The following HEXA variants were observed in gnomAD, a reference collection of about 807,000 sequenced individuals.
HEXA encodes hexosaminidase subunit alpha, also known as beta-hexosaminidase subunit alpha.
A neutral mutation model predicts 73.3 loss-of-function variants in HEXA; 54 were observed. The observed-to-expected ratio is 0.74, with a 90% CI of 0.59 to 0.92. The LOEUF is 0.92. Ranked by LOEUF, HEXA falls within the 40% of genes least tolerant of loss-of-function variation. The pLI is 0.00. For missense variants in HEXA, 649 were observed against 653.0 expected (o/e 0.99, Z 0.07); for synonymous variants, 230 against 246.9 (o/e 0.93, Z 0.64).
intron 3 of HEXA, 154 bp downstream of exon 3, chr15:72,355,405 A>C (rs1370133941): frequency 1.4e-6 from 1 of 697,124 alleles, no homozygotes; most frequent in African/African-American, 1.8e-5. Flanking sequence ...AGGCACCTGT[A>C]ATCCCAGCTA....
In HEXA at chr15:72,356,618, C is replaced by T. The variant is rs1316946673; in HGVS notation, c.254-1G>A. ...TTCTTCTCCAGTGTATGCCGTTTCCCTAGGAAGACAGGGTAAGCTTGGTGC... is the reference window on the plus strand; with the variant it reads ...TTCTTCTCCAGTGTATGCCGTTTCCTTAGGAAGACAGGGTAAGCTTGGTGC... On this transcript the variant is annotated splice_acceptor_variant, in intron 1 of 13. Coordinates refer to ENST00000268097, the MANE Select transcript of HEXA (RefSeq NM_000520.6). LOFTEE classifies it high-confidence loss of function. 1 of 1,614,024 alleles carries T rather than the reference C, an allele frequency of 6.2e-7. No individual in the cohort carries two copies. Among genetic ancestry groups the T allele is most frequent in the South Asian group, 1.1e-5 (1 of 91,076 alleles).
chr15:72,360,974 A>G (rs917476756), intron 1 of HEXA, among the ~76,000 whole-genome samples: 6 of 152,124 alleles, frequency 3.9e-5, no homozygotes, highest in African/African-American at 1.4e-4. Flanking sequence ...CTTACAACCT[A>G]TCTATTCCTC....
intron 1 of HEXA, among the ~76,000 whole-genome samples, chr15:72,371,255 C>T (rs1264411904): frequency 6.6e-6 from 1 of 152,178 alleles, no homozygotes; most frequent in African/African-American, 2.4e-5. Flanking sequence ...TGCCTGGAAT[C>T]ACACACTTAC....
intron 5 of HEXA, among the ~76,000 whole-genome samples, chr15:72,352,612 T>C (rs984656959): frequency 6.6e-5 from 10 of 151,964 alleles, no homozygotes; most frequent in African/African-American, 2.4e-4. Context: ...TTTTGAGTCT[T>C]GGAGCAGCTC....
chr15:72,368,990 C>G (rs2140338596), intron 1 of HEXA, among the ~76,000 whole-genome samples: 1 of 152,338 alleles, frequency 6.6e-6, no homozygotes, highest in South Asian at 2.1e-4. Context: ...TGACAGCTGA[C>G]AAACACCCAT....
At chr15:72,355,904 A>C (rs1212481192) in intron 2 of HEXA, 1 of 539,956 alleles carries the variant, frequency 1.9e-6, no homozygotes, top group South Asian at 1.5e-5. Flanking sequence ...ACAAAGCACC[A>C]CCTACCTCAT....
intron 2 of HEXA, 99 bp from the exon 3 acceptor site, chr15:72,355,723 A>T (rs2088768836): frequency 6.0e-6 from 5 of 838,918 alleles, no homozygotes; most frequent in Non-Finnish European, 1.0e-5. Flanking sequence ...AAAAAAAAAA[A>T]ACAGTAAGAC....
At chr15:72,349,888 C>CCTCAGCCTCCT (rs2088672998) in intron 7 of HEXA, among the ~76,000 whole-genome samples, 1 of 151,886 alleles carries the variant, frequency 6.6e-6, no homozygotes, top group African/African-American at 2.4e-5. Context: ...CTCAGCCTCC[C>CCTCAGCCTCCT]GAGTAGCTGG....
At chr15:72,345,691 C>CA (rs1184200221) in intron 12 of HEXA, 141 bp from the exon 13 acceptor site, 1 of 1,437,076 alleles carries the variant, frequency 7.0e-7, no homozygotes, top group Non-Finnish European at 9.4e-7. Flanking sequence ...TTATGAGCCA[C>CA]AGCCAGGTTG....
intron 13 of HEXA, 184 bp downstream of exon 13, chr15:72,345,262 T>G: frequency 2.6e-6 from 3 of 1,171,016 alleles, no homozygotes; most frequent in Non-Finnish European, 1.2e-6. Flanking sequence ...TTTGTACCAT[T>G]TTTTGTTGTA....
chr15:72,347,741 G>A lies in HEXA; in HGVS notation c.1091C>T (p.Ser364Phe), dbSNP rs781611898. ...CACCACATAGCCCTTGCCATAAGAA[G>A]AGACGATGTCCAGCAGCCTGGAGAG... ...FYIQTLLDIV[S>F]SYGKGYVVWQ... Residue 364 changes from serine (S) to phenylalanine (F), a missense_variant, in exon 10 of 14, where the codon TCT (serine) becomes TTT (phenylalanine). Physicochemically the swap from Ser to Phe is radical, Grantham distance 155 (BLOSUM62 -2). Coordinates refer to ENST00000268097, the MANE Select transcript of HEXA (RefSeq NM_000520.6). The A allele has an allele frequency of 1.2e-6, 2 of 1,614,080 alleles. No individual in the cohort carries two copies. The highest frequency in any genetic ancestry group is 1.7e-6 in the Non-Finnish European group (2 of 1,180,022).
chr15:72,350,054 A>C (rs1327115959), intron 7 of HEXA, among the ~76,000 whole-genome samples: 1 of 152,052 alleles, frequency 6.6e-6, no homozygotes, highest in Non-Finnish European at 1.5e-5. Context: ...ATGAGCCACC[A>C]CGCCCGGCCA....
intron 6 of HEXA, chr15:72,350,885 T>C (rs2088686262): frequency 1.6e-6 from 1 of 621,484 alleles, no homozygotes; most frequent in Non-Finnish European, 2.9e-6. Flanking sequence ...ACTATGTCCA[T>C]TTAACAGAAT....
At chr15:72,352,427 C>G (rs1472315808) in intron 5 of HEXA, among the ~76,000 whole-genome samples, 2 of 150,156 alleles carry the variant, frequency 1.3e-5, no homozygotes, top group African/African-American at 4.9e-5. Context: ...CATGACGAAA[C>G]CCCAGCTCTA....
chr15:72,358,324 C>G (rs1397543946), intron 1 of HEXA: 1 of 152,170 alleles, frequency 6.6e-6, no homozygotes, highest in Non-Finnish European at 1.5e-5. Flanking sequence ...TGGGGCTCAG[C>G]CTGCCACATA....
chr15:72,350,796 T>C (rs2088684935), intron 6 of HEXA, 146 bp from the exon 7 acceptor site: 8 of 817,864 alleles, frequency 9.8e-6, no homozygotes, highest in South Asian at 7.5e-5. Context: ...AAAAACTTGA[T>C]CATAATTTCC....
intron 1 of HEXA, among the ~76,000 whole-genome samples, chr15:72,368,351 A>G (rs1402278591): frequency 2.6e-5 from 4 of 152,218 alleles, no homozygotes; most frequent in Non-Finnish European, 4.4e-5. Context: ...ACAGTGACAA[A>G]AGCAAAATTT....
chr15:72,344,744 G>A (rs1447231480), intron 13 of HEXA, among the ~76,000 whole-genome samples: 1 of 152,180 alleles, frequency 6.6e-6, no homozygotes, highest in African/African-American at 2.4e-5. Context: ...CATCATGCTT[G>A]ACTCTCAGCC....
At chr15:72,365,251 G>A (rs543367410) in intron 1 of HEXA, among the ~76,000 whole-genome samples, 31 of 152,146 alleles carry the variant, frequency 2.0e-4, no homozygotes, top group African/African-American at 4.1e-4. Context: ...CACCGTGCCC[G>A]GCTAATTTTT....
Sources: allele counts gnomAD v4.1 joint callset (sites outside exome capture counted in the v4.1 genomes callset), GRCh38; gene constraint gnomAD v4.1.1; transcripts MANE v1.5; gene names NCBI Gene and HGNC (gene_info 2026-07-23, HGNC 2026-07-21).